Variants in KCTD17 observed in about 807,000 individuals in gnomAD.
KCTD17 encodes the protein BTB/POZ domain-containing protein KCTD17.
A neutral mutation model predicts 41.5 loss-of-function variants in KCTD17; 20 were observed. The ratio of observed to expected loss-of-function variants is 0.48; its 90% CI spans 0.34 to 0.70. The LOEUF (loss-of-function observed/expected upper bound fraction) is 0.70, where lower values mean the gene tolerates loss of function less well. Ranked by LOEUF, KCTD17 falls within the 30% of genes least tolerant of loss-of-function variation. The pLI, the probability that KCTD17 is intolerant of heterozygous loss-of-function variation, is 0.01. For missense variants in KCTD17, 317 were observed against 427.2 expected (o/e 0.74, Z 2.27); for synonymous variants, 156 against 173.8 (o/e 0.90, Z 0.80).
chr22:37,052,046 G>A, intron 1 of KCTD17, 97 bp downstream of exon 1: 1 of 1,270,304 alleles, frequency 7.9e-7, no homozygotes, highest in Non-Finnish European at 9.9e-7. Flanking sequence ...CTGGGGACCC[G>A]GCCGGGTTCA....
chr22:37,056,294 C>T, intron 2 of KCTD17, 26 bp from the exon 3 acceptor site: 3 of 1,601,540 alleles, frequency 1.9e-6, no homozygotes, highest in Non-Finnish European at 2.6e-6. Context: ...GAAGGAGTGA[C>T]CTGGGATCTG....
rs1307842544 is a variant in KCTD17 at position 37,051,883 on chromosome 22, G to A, written c.123G>A (p.Thr41=). The A allele has an allele frequency of 3.0e-5, 45 of 1,500,128 alleles. No homozygotes were observed. Among genetic ancestry groups the A allele is most frequent in the Non-Finnish European group, 3.8e-5 (43 of 1,125,328 alleles). The allele number at this position is 1,500,128 out of a possible 1,614,324, so 92.9% of individuals were successfully genotyped here. A position where few individuals can be genotyped will look rare whatever the true frequency, so the allele number is the denominator to read the frequency against. The change falls in exon 1 of 9, where the codon ACG becomes ACA. Residue 41 remains threonine, a synonymous_variant. Transcript: ENST00000403888. ...GGTVFLTTRQ[T]LCREQKSFLS... ...CGGTGTTCCTGACCACCCGGCAGAC[G>A]CTGTGCCGCGAGCAGAAGTCCTTCC...
rs572333922 is a variant in KCTD17 at position 37,051,904 on chromosome 22, C to T, written c.144C>T (p.Ser48=). The T allele has an allele frequency of 2.0e-6, 3 of 1,505,484 alleles. No individual in the cohort carries two copies. The East Asian group carries it at 8.0e-5, about 40-fold the overall frequency. The allele number at this position is 1,505,484 out of a possible 1,614,324, so 93.3% of individuals were successfully genotyped here. Residue 48 remains serine (S), a synonymous_variant, in exon 1 of 9, where the codon TCC becomes TCT. Coordinates refer to ENST00000403888, the MANE Select transcript of KCTD17 (RefSeq NM_001282684.2). ...AGACGCTGTGCCGCGAGCAGAAGTC[C>T]TTCCTCAGCCGCCTGTGCCAGGGGG... ...TRQTLCREQK[S]FLSRLCQGEE...
Position 37,059,313 on chromosome 22 carries a change from C to G in KCTD17, c.487C>G (p.Leu163Val). The part of the protein sequence containing the change: ...TMSDGWRFEQ[L>V]VNIGSSYNYG... The stretch of plus-strand genomic sequence containing the variant: ...TTCTCCCCATGCTCCGCCCCTCTAG[C>G]TGGTGAACATCGGCTCCTCCTACAA... The change falls in exon 5 of 9, where the codon CTG becomes GTG. Residue 163 changes from leucine to valine, a missense_variant and splice_region_variant. Physicochemically the swap from Leu to Val is conservative, Grantham distance 32. Around this residue, in one of 4 missense-constraint regions of KCTD17, gnomAD observed 14 missense variants for 42.4 expected, o/e 0.33. Transcript: ENST00000403888. The G allele has an allele frequency of 6.2e-7, 1 of 1,612,624 alleles. No individual in the cohort carries two copies. Among genetic ancestry groups the G allele is most frequent in the Non-Finnish European group, 8.5e-7 (1 of 1,179,850 alleles).
At chr22:37,052,231 G>A (rs915223803) in intron 1 of KCTD17, 1 of 450,150 alleles carries the variant, frequency 2.2e-6, no homozygotes, top group Non-Finnish European at 4.1e-6. Flanking sequence ...GCTGTGGACA[G>A]GGAGAGACCT....
At position 37,052,157 on chromosome 22, in the gene KCTD17, G is replaced by A. The variant is rs188376161; in HGVS notation, c.189+208G>A. On this transcript the variant is annotated intron_variant, in intron 1 of 8. Transcript: ENST00000403888. ...CCCATTGCCGTGGCAACGGGACGAC[G>A]CAGGCCGCGGCCATTAGAAGCTCTC... 5.5e-4 allele frequency: 353 copies of A among 641,490 alleles called. 1 individual carries two copies. The highest frequency in any genetic ancestry group is 6.3e-4 in the Non-Finnish European group (265 of 418,958). The allele number at this position is 641,490 out of a possible 1,614,324, so 39.7% of individuals were successfully genotyped here.
At position 37,051,963 on chromosome 22, in the gene KCTD17, G is replaced by C. The variant is rs1924532061; in HGVS notation, c.189+14G>C. 1 of 1,449,812 alleles carries C rather than the reference G, an allele frequency of 6.9e-7. No individual in the cohort carries two copies. The highest frequency in any genetic ancestry group is 2.4e-5 in the Admixed American group (1 of 42,066). 89.8% of individuals were successfully genotyped at this position (1,449,812 alleles called of 1,614,324 possible). On this transcript the variant is annotated intron_variant, in intron 1 of 8. Coordinates refer to ENST00000403888, the MANE Select transcript of KCTD17 (RefSeq NM_001282684.2). ...CAGTCGGACCGGGTGAGGCCCCCGG[G>C]GTGGGCGGCGAGCGGGCGGTGGGTC...
In KCTD17 at chr22:37,061,700, G is replaced by C; in HGVS notation, c.875+71G>C. The C allele has an allele frequency of 6.6e-7, 1 of 1,514,214 alleles. No individual in the cohort carries two copies. Among genetic ancestry groups the C allele is most frequent in the Non-Finnish European group, 8.9e-7 (1 of 1,129,458 alleles). 93.8% of individuals were successfully genotyped at this position (1,514,214 alleles called of 1,614,324 possible). A position where few individuals can be genotyped will look rare whatever the true frequency, so the allele number is the denominator to read the frequency against. On this transcript the variant is annotated intron_variant, in intron 8 of 8. Transcript: ENST00000403888. The surrounding 1 kb of genome is among the most constrained non-coding windows in gnomAD (Gnocchi z 6.6). ...TGCTCATCTCTTGATCCTTGGACTT[G>C]AGCCGAGCTTTCGGCTGATTATCTC...
At position 37,062,784 on chromosome 22, in the gene KCTD17, A is replaced by G; in HGVS notation, c.*190A>G. 1.6e-6 allele frequency: 2 copies of G among 1,278,886 alleles called. No homozygotes were observed. Among genetic ancestry groups the G allele is most frequent in the Non-Finnish European group, 1.0e-6 (1 of 960,210 alleles). The allele number at this position is 1,278,886 out of a possible 1,614,324, so 79.2% of individuals were successfully genotyped here. On this transcript the variant is annotated 3_prime_UTR_variant, in exon 9 of 9. Transcript: ENST00000403888. ...GACCTCTGGGCAGAGTGGACTGCTC[A>G]TGGCAGATGTGTGGCAATGTCTGGC...
Position 37,051,821 on chromosome 22 carries a change from G to T in KCTD17, c.61G>T (p.Gly21Cys). The T allele has an allele frequency of 7.5e-7, 1 of 1,332,710 alleles. No homozygotes were observed. The allele number at this position is 1,332,710 out of a possible 1,614,324, so 82.6% of individuals were successfully genotyped here. A position where few individuals can be genotyped will look rare whatever the true frequency, so the allele number is the denominator to read the frequency against. Reference protein sequence around the residue: ...PAGAGGRAAGGWGKWVRLNVG... With the variant: ...PAGAGGRAAGCWGKWVRLNVG... ...GGGGGCGGGCGGCCGCGCCGCAGGC[G>T]GCTGGGGCAAGTGGGTGCGGCTCAA... The change falls in exon 1 of 9, where the codon GGC becomes TGC. Residue 21 changes from glycine (G) to cysteine (C), a missense_variant. Physicochemically the swap from Gly to Cys is radical, Grantham distance 159. Coordinates refer to ENST00000403888, the MANE Select transcript of KCTD17 (RefSeq NM_001282684.2).
chr22:37,059,759 A>G (rs1284521695), intron 5 of KCTD17, among the ~76,000 whole-genome samples: 1 of 152,150 alleles, frequency 6.6e-6, no homozygotes, highest in East Asian at 1.9e-4. Flanking sequence ...TCTCTGTGTG[A>G]CTTAGGACAG....
chr22:37,061,424 T>TC lies in KCTD17; in HGVS notation c.785-115_785-114insC. 6.7e-7 allele frequency: 1 copy of TC among 1,482,854 alleles called. No homozygotes were observed. The highest frequency in any genetic ancestry group is 1.3e-5 in the South Asian group (1 of 74,980). The allele number at this position is 1,482,854 out of a possible 1,614,324, so 91.9% of individuals were successfully genotyped here. On this transcript the variant is annotated intron_variant, in intron 7 of 8. Coordinates refer to ENST00000403888, the MANE Select transcript of KCTD17 (RefSeq NM_001282684.2). This position sits in a 1 kb window ranked among gnomAD's most constrained non-coding sequence, Gnocchi z 6.6. The stretch of plus-strand genomic sequence containing the variant: ...CCAGCCTGGGGAGGAGGGGCGCAGC[T>TC]GCACCTCCTCTGTGCCCACTAACCC...
chr22:37,053,330 C>G lies in KCTD17; in HGVS notation c.298+122C>G, dbSNP rs1007892419. 4.1e-6 allele frequency: 3 copies of G among 740,354 alleles called. No homozygotes were observed. Among genetic ancestry groups the G allele is most frequent in the African/African-American group, 3.5e-5 (2 of 57,660 alleles). The allele number at this position is 740,354 out of a possible 1,614,324, so 45.9% of individuals were successfully genotyped here. Reference sequence around the variant, plus strand: ...CCTGCTTGGTTGTTTCCTGCCTCTTCCCAGTCGGACGGGGCTGATTCCCAA... The same window carrying G: ...CCTGCTTGGTTGTTTCCTGCCTCTTGCCAGTCGGACGGGGCTGATTCCCAA... On this transcript the variant is annotated intron_variant, in intron 2 of 8. Transcript: ENST00000403888. This position sits in a 1 kb window ranked among gnomAD's most constrained non-coding sequence, Gnocchi z 4.1.
In KCTD17 at chr22:37,057,405, C is replaced by T. The variant is rs1459639115; in HGVS notation, c.398C>T (p.Pro133Leu). ...TGACCCTTCTGCCCACAGGTCCCAC[C>T]CAAGCACGTGTACCGCGTGCTGCAG... The part of the protein sequence containing the change: ...EKDYTVTQVP[P>L]KHVYRVLQCQ... The change falls in exon 4 of 9, where the codon CCC becomes CTC. Residue 133 changes from proline (P) to leucine (L), a missense_variant. By Grantham distance (98) the Pro-to-Leu change is moderately conservative. Transcript: ENST00000403888. The T allele has an allele frequency of 1.2e-6, 2 of 1,613,524 alleles. No individual in the cohort carries two copies. The highest frequency in any genetic ancestry group is 1.7e-6 in the Non-Finnish European group (2 of 1,179,710).
Position 37,053,743 on chromosome 22 carries a change from G to A in KCTD17, c.298+535G>A, listed in dbSNP as rs1164556426. The stretch of plus-strand genomic sequence containing the variant: ...GTGGAGGCAGGAGAGGGGGGAGTCT[G>A]CTTCCCAGTGGGGCTTTGGTTATCC... On this transcript the variant is annotated intron_variant, in intron 2 of 8. Transcript: ENST00000403888. The surrounding 1 kb of genome is among the most constrained non-coding windows in gnomAD (Gnocchi z 4.1). 6.6e-6 allele frequency among the ~76,000 whole-genome samples: 1 copy of A among 152,200 alleles called. No individual in the cohort carries two copies. The highest frequency in any genetic ancestry group is 2.4e-5 in the African/African-American group (1 of 41,446).
chr22:37,056,193 C>T lies in KCTD17; in HGVS notation c.299-127C>T, dbSNP rs921707088. 13 of 685,984 alleles carry T rather than the reference C, an allele frequency of 1.9e-5. No individual in the cohort carries two copies. In the East Asian group the frequency reaches 3.8e-4, roughly 20 times the overall value. 42.5% of individuals were successfully genotyped at this position (685,984 alleles called of 1,614,324 possible). ...CCCTCTTACTTGACCCCTGAACTCA[C>T]AGACACTCAGCTCACCCTCAGGGCG... On this transcript the variant is annotated intron_variant, in intron 2 of 8. Coordinates refer to ENST00000403888, the MANE Select transcript of KCTD17 (RefSeq NM_001282684.2).
chr22:37,059,245 C>G, intron 4 of KCTD17, 68 bp from the exon 5 acceptor site: 1 of 1,596,734 alleles, frequency 6.3e-7, no homozygotes, highest in Non-Finnish European at 8.5e-7. Flanking sequence ...GTGCCGAGGT[C>G]TGTCGTATCC....
intron 5 of KCTD17, chr22:37,059,646 C>T (rs1925547338): frequency 3.1e-6 from 2 of 637,674 alleles, no homozygotes; most frequent in South Asian, 1.9e-5. Context: ...TGAGAGCATC[C>T]CCAGGGTGCA....
rs1294586576 is a variant in KCTD17 at position 37,061,644 on chromosome 22, G to A, written c.875+15G>A. On this transcript the variant is annotated intron_variant, in intron 8 of 8. Transcript: ENST00000403888. This position sits in a 1 kb window ranked among gnomAD's most constrained non-coding sequence, Gnocchi z 6.6. ...TGCCATCCCTGGTTTGTAGCTTGGCGGTGCTGGAGGGAGGGGTGGAGCGAG... is the reference window on the plus strand; with the variant it reads ...TGCCATCCCTGGTTTGTAGCTTGGCAGTGCTGGAGGGAGGGGTGGAGCGAG... 17 of 1,587,638 alleles carry A rather than the reference G, an allele frequency of 1.1e-5. No individual in the cohort carries two copies. Among genetic ancestry groups the A allele is most frequent in the African/African-American group, 1.3e-5 (1 of 74,604 alleles).
Sources: allele counts gnomAD v4.1 joint callset (sites outside exome capture counted in the v4.1 genomes callset), GRCh38; gene constraint gnomAD v4.1.1; regional missense constraint gnomAD v4.1.1; non-coding constraint Gnocchi (gnomAD v3.1); transcripts MANE v1.5; gene names NCBI Gene and HGNC (gene_info 2026-07-23, HGNC 2026-07-21).